Variants in IL1RAPL1 observed in about 807,000 individuals in gnomAD.
The protein encoded by IL1RAPL1 is interleukin 1 receptor accessory protein like 1.
IL1RAPL1 carries 3 observed loss-of-function variants against 48.4 expected under a neutral mutation model. The observed-to-expected ratio is 0.06, with a 90% CI of 0.03 to 0.16. IL1RAPL1 has a LOEUF of 0.16. Ranked by LOEUF, IL1RAPL1 falls within the 10% of genes least tolerant of loss-of-function variation. The pLI is 1.00. For synonymous variants in IL1RAPL1, 185 were observed against 187.7 expected, an observed-to-expected ratio of 0.99 and a Z score of 0.12; for missense variants, 349 against 530.6, an observed-to-expected ratio of 0.66 and a Z score of 3.36.
At chrX:29,766,182 G>A (rs1928879492) in intron 6 of IL1RAPL1, among the ~76,000 whole-genome samples, 1 of 105,145 alleles carries the variant, frequency 9.5e-6, no homozygotes. Flanking sequence ...ACAAAAATTA[G>A]CCGGGCATGG....
chrX:28,815,839 G>GTATGTGTATA (rs1467095474), intron 2 of IL1RAPL1, among the ~76,000 whole-genome samples: 5 of 29,105 alleles, frequency 1.7e-4, no homozygotes, highest in African/African-American at 4.4e-4. Flanking sequence ...GTGTGTTTAT[G>GTATGTGTATA]TATATATATA....
At chrX:29,413,502 CCCT>C (rs1934173266) in intron 5 of IL1RAPL1, among the ~76,000 whole-genome samples, 1 of 90,442 alleles carries the variant, frequency 1.1e-5, no homozygotes, top group Non-Finnish European at 2.2e-5. Context: ...TATCCCTCCC[CCCT>C]ACCCCCACCC....
intron 2 of IL1RAPL1, among the ~76,000 whole-genome samples, chrX:29,118,603 A>T (rs775054881): frequency 2.7e-5 from 3 of 111,777 alleles, no homozygotes; most frequent in Non-Finnish European, 5.7e-5. Flanking sequence ...TTATCTGATG[A>T]CATCTTAAGG....
chrX:28,756,419 A>G (rs1175389374), intron 1 of IL1RAPL1, among the ~76,000 whole-genome samples: 1 of 111,944 alleles, frequency 8.9e-6, no homozygotes, highest in Non-Finnish European at 1.9e-5. Flanking sequence ...GTGACCTGGG[A>G]AGTGACAGTT....
intron 5 of IL1RAPL1, among the ~76,000 whole-genome samples, chrX:29,579,466 G>T (rs774794362): frequency 4.6e-4 from 51 of 111,902 alleles, no homozygotes; most frequent in Non-Finnish European, 6.0e-4. Flanking sequence ...AAATAGGAAA[G>T]CCAGAAGGTG....
chrX:29,258,336 C>A (rs1271027652), intron 2 of IL1RAPL1, among the ~76,000 whole-genome samples: 1 of 111,550 alleles, frequency 9.0e-6, no homozygotes, highest in Non-Finnish European at 1.9e-5. Flanking sequence ...ACAACTTGAA[C>A]TAATTTTCAC....
At chrX:29,552,967 T>C (rs1378741066) in intron 5 of IL1RAPL1, among the ~76,000 whole-genome samples, 1 of 109,978 alleles carries the variant, frequency 9.1e-6, no homozygotes, top group Non-Finnish European at 1.9e-5. Flanking sequence ...CTTTTGAGTC[T>C]TTCTTAGAGC....
intron 1 of IL1RAPL1, among the ~76,000 whole-genome samples, chrX:28,657,976 C>T (rs1235694423): frequency 5.4e-5 from 6 of 111,825 alleles, no homozygotes; most frequent in Admixed American, 9.5e-5. Context: ...TTATATTAGG[C>T]GGTAGTGTAT....
chrX:29,888,716 AG>A (rs35085445), intron 6 of IL1RAPL1, among the ~76,000 whole-genome samples: 5,143 of 111,646 alleles, frequency 0.046, 165 homozygotes, highest in Admixed American at 0.15. Context: ...AGTTTTTCAT[AG>A]GTCTTCACAG....
intron 5 of IL1RAPL1, among the ~76,000 whole-genome samples, chrX:29,645,550 C>T (rs186694737): frequency 1.8e-5 from 2 of 111,135 alleles, no homozygotes; most frequent in Admixed American, 9.6e-5. Context: ...AACCTATGTA[C>T]GGAGCCTTTA....
intron 8 of IL1RAPL1, among the ~76,000 whole-genome samples, chrX:29,936,670 A>G (rs1233162686): frequency 9.0e-6 from 1 of 111,399 alleles, no homozygotes; most frequent in Non-Finnish European, 1.9e-5. Context: ...CTAGCAGAAA[A>G]TGTTTGCAAA....
chrX:28,814,341 T>TTTTG (rs1555926315), intron 2 of IL1RAPL1, among the ~76,000 whole-genome samples: 48 of 89,749 alleles, frequency 5.3e-4, no homozygotes, highest in African/African-American at 1.6e-3. Flanking sequence ...ATTTTCAGGT[T>TTTTG]TGTGTGTGTG....
At chrX:28,601,454 A>G (rs1054127816) in intron 1 of IL1RAPL1, among the ~76,000 whole-genome samples, 1 of 110,927 alleles carries the variant, frequency 9.0e-6, no homozygotes, top group Non-Finnish European at 1.9e-5. Flanking sequence ...CATACAAGCA[A>G]ACAAAAAATC....
chrX:29,390,634 G>A (rs1933842041), intron 3 of IL1RAPL1, among the ~76,000 whole-genome samples: 1 of 111,709 alleles, frequency 9.0e-6, no homozygotes, highest in African/African-American at 3.3e-5. Context: ...GCTAGAGTAA[G>A]AGAGAGATAC....
chrX:29,009,491 G>T (rs968177603), intron 2 of IL1RAPL1, among the ~76,000 whole-genome samples: 2 of 112,285 alleles, frequency 1.8e-5, no homozygotes, highest in Admixed American at 9.4e-5. Context: ...TTGGCCAGCT[G>T]TCCCAACACC....
intron 2 of IL1RAPL1, among the ~76,000 whole-genome samples, chrX:28,840,234 G>C (rs764367168): frequency 2.7e-5 from 3 of 111,019 alleles, no homozygotes; most frequent in African/African-American, 9.8e-5. Context: ...ATCTTCCTCT[G>C]ATAGTGGCAT....
intron 1 of IL1RAPL1, among the ~76,000 whole-genome samples, chrX:28,707,574 C>G (rs770847006): frequency 1.8e-5 from 2 of 111,818 alleles, no homozygotes; most frequent in Admixed American, 1.9e-4. Context: ...TATTATACCA[C>G]GGACTACTCT....
At chrX:29,587,519 T>C (rs933379278) in intron 5 of IL1RAPL1, among the ~76,000 whole-genome samples, 1 of 111,643 alleles carries the variant, frequency 9.0e-6, no homozygotes, top group Non-Finnish European at 1.9e-5. Context: ...TCAGAGTAGA[T>C]TTTAAGCATT....
rs11795987 is a variant in IL1RAPL1, at chrX:29,076,786, G to A, written c.83-206152G>A. ...ATAAGACAGATCTATCTATCTGTCT[G>A]TCTGTCTGTCTGTCTGTCTATCTAT... On this transcript the variant is annotated intron_variant, in intron 2 of 10. Transcript: ENST00000378993. Among the ~76,000 whole-genome samples, 11 of 53,697 alleles carry A rather than the reference G, an allele frequency of 2.0e-4. No homozygotes were observed. The South Asian group carries it at 3.6e-3, about 17-fold the overall frequency. The allele number at this position is 53,697 out of a possible 115,157, so 46.6% of individuals were successfully genotyped here.
Sources: gnomAD v4.1 joint callset for allele counts (sites outside exome capture counted in the v4.1 genomes callset) on GRCh38, gnomAD v4.1.1 for gene constraint, MANE v1.5 for transcripts, NCBI Gene and HGNC (gene_info 2026-07-23, HGNC 2026-07-21) for gene names.